Variants in BTBD3 observed in about 807,000 individuals in gnomAD.
BTBD3 encodes BTB domain containing 3.
A neutral mutation model predicts 41.6 loss-of-function variants in BTBD3; 14 were observed. The observed-to-expected ratio is 0.34, with a 90% CI of 0.22 to 0.53. BTBD3 has a LOEUF of 0.53. BTBD3 is among the 20% of genes least tolerant of loss of function. BTBD3 has a pLI of 0.95. For synonymous variants in BTBD3, 249 were observed against 233.7 expected (o/e 1.07, Z -0.60); for missense variants, 426 against 654.7 (o/e 0.65, Z 3.81).
chr20:11,918,527 C>T lies in BTBD3; in HGVS notation c.252C>T (p.His84=), dbSNP rs142502423. Residue 84 remains histidine, a synonymous_variant, in exon 1 of 4, where the codon CAC becomes CAT. Coordinates refer to ENST00000378226, the MANE Select transcript of BTBD3 (RefSeq NM_014962.4). ...GCAGCACCAGCGTCCAGCAGTACCA[C>T]CAGCAGAATCTCAGTAACAACAACC... ...NSSSTSVQQY[H]QQNLSNNNLI... is the part of the protein sequence containing the mutation. 24 of 1,614,020 alleles carry T rather than the reference C, an allele frequency of 1.5e-5. No individual in the cohort carries two copies. The South Asian group carries it at 2.6e-4, about 18-fold the overall frequency.
intron 1 of BTBD3, among the ~76,000 whole-genome samples, chr20:11,896,352 C>T (rs888853547): frequency 6.6e-6 from 1 of 152,162 alleles, no homozygotes; most frequent in Admixed American, 6.5e-5. Context: ...ATAGCTGGCA[C>T]TTATGCGAAA....
intron 1 of BTBD3, chr20:11,891,187 G>GGT (rs1016453822): frequency 6.2e-6 from 1 of 161,460 alleles, no homozygotes; most frequent in Non-Finnish European, 1.3e-5. Context: ...AGGGGGGGGG[G>GGT]GTCCCAGTGG....
chr20:11,893,958 T>G (rs989406817), intron 1 of BTBD3, among the ~76,000 whole-genome samples: 1 of 152,278 alleles, frequency 6.6e-6, no homozygotes, highest in African/African-American at 2.4e-5. Flanking sequence ...AGATTTTTAA[T>G]GATGAATACA....
At chr20:11,910,466 G>A (rs1214550428) in intron 1 of BTBD3, 1 of 152,084 alleles carries the variant, frequency 6.6e-6, no homozygotes, top group Non-Finnish European at 1.5e-5. Context: ...GACCTCCTGA[G>A]CCTTGATTTT....
At chr20:11,909,087 C>T (rs1172470794) in intron 1 of BTBD3, among the ~76,000 whole-genome samples, 1 of 151,888 alleles carries the variant, frequency 6.6e-6, no homozygotes, top group Non-Finnish European at 1.5e-5. Context: ...CCAGCCTGAC[C>T]AACATGGTGA....
chr20:11,898,159 C>A (rs2056799910), intron 1 of BTBD3, among the ~76,000 whole-genome samples: 1 of 152,048 alleles, frequency 6.6e-6, no homozygotes, highest in African/African-American at 2.4e-5. Context: ...GAGATTCTGT[C>A]TACAAATAAA....
Position 11,923,807 on chromosome 20 carries a change from A to C in BTBD3, c.*141A>C. The C allele has an allele frequency of 1.2e-6, 1 of 835,568 alleles. No homozygotes were observed. Among genetic ancestry groups the C allele is most frequent in the Non-Finnish European group, 1.8e-6 (1 of 550,738 alleles). The allele number at this position is 835,568 out of a possible 1,614,324, so 51.8% of individuals were successfully genotyped here. ...CGGTAGGCAGGTTCTAATTTCTTTT[A>C]ACCTTTTAATTATGTACAGGCAAAA... On this transcript the variant is annotated 3_prime_UTR_variant, in exon 4 of 4. Coordinates refer to ENST00000378226, the MANE Select transcript of BTBD3 (RefSeq NM_014962.4). The surrounding 1 kb of genome is among the most constrained non-coding windows in gnomAD (Gnocchi z 5.3).
At chr20:11,917,812 T>C (rs1028787648), upstream of BTBD3, 35 of 518,482 alleles carry the variant, frequency 6.8e-5, no homozygotes, top group Non-Finnish European at 8.5e-5. Flanking sequence ...TCATGATTGG[T>C]GACTTCAGCT....
chr20:11,920,828 A>T (rs1018107107), intron 3 of BTBD3, among the ~76,000 whole-genome samples: 2 of 152,216 alleles, frequency 1.3e-5, no homozygotes, highest in Non-Finnish European at 2.9e-5. Context: ...TATAGTTAAA[A>T]TGTTGCCATA....
At chr20:11,916,312 C>T (rs184466613), upstream of BTBD3, among the ~76,000 whole-genome samples, 13 of 152,300 alleles carry the variant, frequency 8.5e-5, no homozygotes, top group East Asian at 2.1e-3. Flanking sequence ...TAGGAGCTTA[C>T]TTGTTTCTTC....
rs1039114740 is a variant in BTBD3, at chr20:11,891,181, G to C, written c.-126+227G>C. On this transcript the variant is annotated intron_variant, in intron 1 of 4. Coordinates refer to the BTBD3 transcript ENST00000254977. ...GCCGCGCGGGCTGGCTTTCCGAGGG[G>C]GGGGGGGTCCCAGTGGGGCGCGTCG... 2.6e-4 allele frequency: 43 copies of C among 163,994 alleles called. No homozygotes were observed. In the South Asian group the frequency reaches 3.4e-3, roughly 13 times the overall value. 10.2% of individuals were successfully genotyped at this position (163,994 alleles called of 1,614,324 possible). A position where few individuals can be genotyped will look rare whatever the true frequency, so the allele number is the denominator to read the frequency against.
chr20:11,900,264 A>G (rs2056815743), intron 1 of BTBD3, among the ~76,000 whole-genome samples: 1 of 152,170 alleles, frequency 6.6e-6, no homozygotes, highest in Admixed American at 6.5e-5. Context: ...TTACAAATTC[A>G]TTTTATATTG....
rs745963702 is a variant in BTBD3 at position 11,923,704 on chromosome 20, A to G, written c.*38A>G. 4 of 1,546,472 alleles carry G rather than the reference A, an allele frequency of 2.6e-6. No individual in the cohort carries two copies. Among genetic ancestry groups the G allele is most frequent in the Non-Finnish European group, 3.5e-6 (4 of 1,144,874 alleles). ...TGAAGCAGCTTGAGCTCCAAAGTGC[A>G]CATCTGGTTCCAACTTGCCTGATGC... On this transcript the variant is annotated 3_prime_UTR_variant, in exon 4 of 4. Coordinates refer to ENST00000378226, the MANE Select transcript of BTBD3 (RefSeq NM_014962.4). This position sits in a 1 kb window ranked among gnomAD's most constrained non-coding sequence, Gnocchi z 5.3.
At chr20:11,908,048 A>G (rs2056866773) in intron 1 of BTBD3, among the ~76,000 whole-genome samples, 1 of 152,170 alleles carries the variant, frequency 6.6e-6, no homozygotes, top group Non-Finnish European at 1.5e-5. Context: ...TTTTTGTCTC[A>G]TTTTTGATGC....
chr20:11,913,831 A>G (rs1257497776), upstream of BTBD3, among the ~76,000 whole-genome samples: 1 of 152,240 alleles, frequency 6.6e-6, no homozygotes, highest in Admixed American at 6.5e-5. Context: ...AAGTGAGCTT[A>G]AATTCTGTGG....
chr20:11,895,729 G>GT (rs778297389), intron 1 of BTBD3, among the ~76,000 whole-genome samples: 18 of 152,218 alleles, frequency 1.2e-4, no homozygotes, highest in Non-Finnish European at 2.4e-4. Flanking sequence ...CAGTGAGGAG[G>GT]TGGGGAAGGC....
chr20:11,919,239 G>A (rs1445381182), intron 2 of BTBD3, 63 bp downstream of exon 2: 2 of 1,497,454 alleles, frequency 1.3e-6, no homozygotes, highest in South Asian at 1.2e-5. Context: ...CTTTCCATAA[G>A]CCTGTAACTT....
chr20:11,890,885 G>A, exon 1 of BTBD3: 3 of 984,986 alleles, frequency 3.0e-6, no homozygotes, highest in Non-Finnish European at 3.6e-6. Context: ...CCCCGGCCGG[G>A]GCCTGAGGAG....
Position 11,925,905 on chromosome 20 carries a change from T to C in BTBD3, c.*2239T>C, listed in dbSNP as rs6134404. On this transcript the variant is annotated 3_prime_UTR_variant, in exon 4 of 4. Transcript: ENST00000378226. ...GAAATCCTGTACACTGTGTATAGAATAATGTAATTTTATGTTAATTGTTAT... is the reference window on the plus strand; with the variant it reads ...GAAATCCTGTACACTGTGTATAGAACAATGTAATTTTATGTTAATTGTTAT... 0.77 allele frequency: 117,851 copies of C among 152,370 alleles called. 46,134 individuals carry two copies. Among genetic ancestry groups the C allele is most frequent in the Non-Finnish European group, 0.83 (56,660 of 67,990 alleles). The allele number at this position is 152,370 out of a possible 1,614,324, so 9.4% of individuals were successfully genotyped here.
Sources: allele counts gnomAD v4.1 joint callset (sites outside exome capture counted in the v4.1 genomes callset), GRCh38; gene constraint gnomAD v4.1.1; non-coding constraint Gnocchi (gnomAD v3.1); transcripts MANE v1.5; gene names NCBI Gene and HGNC (gene_info 2026-07-23, HGNC 2026-07-21).